DNAH9: variants seen among roughly 807,000 people sequenced by gnomAD.
The protein encoded by DNAH9 is dynein axonemal heavy chain 9, also known as DNAH9 variant protein.
A neutral mutation model predicts 471.6 loss-of-function variants in DNAH9; 345 were observed. That is an observed-to-expected ratio of 0.73 (90% CI 0.67 to 0.80). The LOEUF (loss-of-function observed/expected upper bound fraction) is 0.80. Among genes scored for constraint, DNAH9 ranks in the 30% least tolerant of loss-of-function variants. The pLI is 0.00. For synonymous variants in DNAH9, 2,093 were observed against 2,123.6 expected (o/e 0.99, Z 0.40); for missense variants, 5,407 against 5,609.2 (o/e 0.96, Z 1.15).
chr17:11,782,477 C>T (rs1269577500), intron 39 of DNAH9, among the ~76,000 whole-genome samples: 2 of 152,202 alleles, frequency 1.3e-5, no homozygotes, highest in East Asian at 3.8e-4. Flanking sequence ...TGTCCCCATG[C>T]ATCTCTCCTC....
intron 43 of DNAH9, among the ~76,000 whole-genome samples, chr17:11,806,923 C>T (rs780345591): frequency 3.9e-5 from 6 of 152,032 alleles, no homozygotes; most frequent in African/African-American, 1.2e-4. Flanking sequence ...CGATTGGAAG[C>T]GGATCCTGGA....
chr17:11,773,947 T>A (rs1400235782), intron 38 of DNAH9, among the ~76,000 whole-genome samples: 1 of 151,790 alleles, frequency 6.6e-6, no homozygotes, highest in African/African-American at 2.4e-5. Context: ...CTGGCCAACA[T>A]GGTGAAACCC....
At chr17:11,751,831 A>G (rs1252571469) in intron 32 of DNAH9, among the ~76,000 whole-genome samples, 4 of 152,148 alleles carry the variant, frequency 2.6e-5, no homozygotes, top group African/African-American at 9.6e-5. Flanking sequence ...GCAACTTTAT[A>G]CCTAGAAAAT....
intron 61 of DNAH9, among the ~76,000 whole-genome samples, chr17:11,913,863 C>G (rs1270195157): frequency 6.6e-6 from 1 of 151,804 alleles, no homozygotes; most frequent in Non-Finnish European, 1.5e-5. Flanking sequence ...TGACTTCTTT[C>G]TAGGTAAGCT....
Position 11,875,095 on chromosome 17 carries a change from A to C in DNAH9, c.10389A>C (p.Pro3463=). 1 of 1,614,086 alleles carries C rather than the reference A, an allele frequency of 6.2e-7. No homozygotes were observed. The highest frequency in any genetic ancestry group is 8.5e-7 in the Non-Finnish European group (1 of 1,180,004). The change falls in exon 53 of 69, where the codon CCA becomes CCC. Residue 3463 remains proline (P), a synonymous_variant. Transcript: ENST00000262442. ...ATILINCERW[P]LMVDPQLQGI... ...TTCTCATCAACTGTGAGCGCTGGCCACTCATGGTTGACCCTCAGCTACAAG... is the reference window on the plus strand; with the variant it reads ...TTCTCATCAACTGTGAGCGCTGGCCCCTCATGGTTGACCCTCAGCTACAAG...
At chr17:11,605,695 A>G (rs1452765565) in intron 1 of DNAH9, among the ~76,000 whole-genome samples, 1 of 140,102 alleles carries the variant, frequency 7.1e-6, no homozygotes, top group African/African-American at 2.9e-5. Flanking sequence ...TGTACAGATG[A>G]GGTCTTGCTA....
At chr17:11,721,145 T>C (rs937166153) in intron 27 of DNAH9, among the ~76,000 whole-genome samples, 1 of 152,138 alleles carries the variant, frequency 6.6e-6, no homozygotes, top group African/African-American at 2.4e-5. Flanking sequence ...AAATGGTGAG[T>C]TGGCTAGGGG....
intron 22 of DNAH9, among the ~76,000 whole-genome samples, chr17:11,696,179 A>G (rs757361224): frequency 6.6e-6 from 1 of 152,196 alleles, no homozygotes; most frequent in African/African-American, 2.4e-5. Flanking sequence ...ATTTACATTC[A>G]TGCATGTACA....
chr17:11,821,188 A>T (rs143265557), intron 45 of DNAH9, among the ~76,000 whole-genome samples: 1 of 151,680 alleles, frequency 6.6e-6, no homozygotes, highest in African/African-American at 2.4e-5. Flanking sequence ...CAGGAGGCTG[A>T]GGCAGGAGAA....
intron 14 of DNAH9, among the ~76,000 whole-genome samples, chr17:11,656,028 G>A (rs1333587574): frequency 1.3e-5 from 2 of 152,138 alleles, no homozygotes; most frequent in Admixed American, 1.3e-4. Flanking sequence ...AAACGGGCCT[G>A]TGCCCAGTAT....
chr17:11,844,670 G>T (rs1338205253), intron 49 of DNAH9, among the ~76,000 whole-genome samples: 1 of 152,110 alleles, frequency 6.6e-6, no homozygotes, highest in African/African-American at 2.4e-5. Flanking sequence ...CTCCCAAAGT[G>T]CTTGGATTAC....
rs1974746170 is a variant in DNAH9 at position 11,937,322 on chromosome 17, T to C, written c.12490-30T>C. 1 of 1,582,942 alleles carries C rather than the reference T, an allele frequency of 6.3e-7. No individual in the cohort carries two copies. Among genetic ancestry groups the C allele is most frequent in the Non-Finnish European group, 8.6e-7 (1 of 1,162,854 alleles). On this transcript the variant is annotated intron_variant, in intron 65 of 68. Coordinates refer to ENST00000262442, the MANE Select transcript of DNAH9 (RefSeq NM_001372.4). This position sits in a 1 kb window ranked among gnomAD's most constrained non-coding sequence, Gnocchi z 4.1. ...GAGATGGGAGGTACGTCCTGGTTTCTTTTTAAGTGAGCTTGCCCTTGATTT... is the reference window on the plus strand; with the variant it reads ...GAGATGGGAGGTACGTCCTGGTTTCCTTTTAAGTGAGCTTGCCCTTGATTT...
Position 11,784,434 on chromosome 17 carries a change from C to T in DNAH9, c.7956C>T (p.Ile2652=), listed in dbSNP as rs764697211. 3.1e-6 allele frequency: 5 copies of T among 1,614,196 alleles called. No individual in the cohort carries two copies. Among genetic ancestry groups the T allele is most frequent in the East Asian group, 2.2e-5 (1 of 44,870 alleles). The change falls in exon 41 of 69, where the codon ATC becomes ATT. Residue 2652 remains isoleucine (I), a synonymous_variant. Coordinates refer to ENST00000262442, the MANE Select transcript of DNAH9 (RefSeq NM_001372.4). ...TGCAGAAATCCATCCCCCCACTGAT[C>T]GATCTGGCCCTCGCCTTCCACCAGA... ...ASLQKSIPPL[I]DLALAFHQKI...
chr17:11,881,443 CA>C, intron 55 of DNAH9, 30 bp downstream of exon 55: 4 of 1,597,704 alleles, frequency 2.5e-6, no homozygotes, highest in Non-Finnish European at 3.4e-6. Context: ...AATGTTCTGC[CA>C]CTAGAGCCTG....
intron 45 of DNAH9, among the ~76,000 whole-genome samples, chr17:11,817,101 G>A (rs576123680): frequency 9.2e-5 from 14 of 152,206 alleles, no homozygotes; most frequent in African/African-American, 3.4e-4. Flanking sequence ...TTAGGTCTCA[G>A]GAGGAAACTT....
rs1461075319 is a variant in DNAH9, at chr17:11,747,560, T to C, written c.6404T>C (p.Val2135Ala). 1.9e-6 allele frequency: 3 copies of C among 1,613,060 alleles called. No individual in the cohort carries two copies. Among genetic ancestry groups the C allele is most frequent in the African/African-American group, 2.7e-5 (2 of 74,906 alleles). The stretch of plus-strand genomic sequence containing the variant: ...CTGAATTTCCTGCCTCCTCAGGTGG[T>C]CCAGCTGGAGGAGCTCCTGGCTGTG... The part of the protein sequence containing the change: ...QAEDNFVLKV[V>A]QLEELLAVRH... Residue 2135 changes from valine (V) to alanine (A), a missense_variant, in exon 32 of 69, where the codon GTC becomes GCC. This residue lies in a region of DNAH9 where 4,636 missense variants were observed against 4,900.3 expected (regional missense o/e 0.95). Transcript: ENST00000262442.
intron 1 of DNAH9, among the ~76,000 whole-genome samples, chr17:11,603,130 A>G (rs369934478): frequency 2.6e-5 from 4 of 152,212 alleles, no homozygotes; most frequent in African/African-American, 9.6e-5. Flanking sequence ...ACCTGCACCC[A>G]TTAAATTAAA....
At chr17:11,811,392 C>A (rs940232351) in intron 45 of DNAH9, among the ~76,000 whole-genome samples, 1 of 152,166 alleles carries the variant, frequency 6.6e-6, no homozygotes, top group African/African-American at 2.4e-5. Context: ...TGGATCCCAT[C>A]CTCTGACCTA....
chr17:11,781,831 T>TA (rs751229321), intron 39 of DNAH9, among the ~76,000 whole-genome samples: 5,312 of 108,116 alleles, frequency 0.049, 225 homozygotes, highest in East Asian at 0.1. Context: ...GACTCCATCT[T>TA]AAAAAAAAAA....
Sources: gnomAD v4.1 joint callset for allele counts (sites outside exome capture counted in the v4.1 genomes callset) on GRCh38, gnomAD v4.1.1 for gene constraint, gnomAD v4.1.1 regional missense constraint, Gnocchi (gnomAD v3.1) non-coding constraint, MANE v1.5 for transcripts, NCBI Gene and HGNC (gene_info 2026-07-23, HGNC 2026-07-21) for gene names.